BCAR1: variants seen among roughly 807,000 people sequenced by gnomAD.
The protein encoded by BCAR1 is BCAR1 scaffold protein, Cas family member.
A neutral mutation model predicts 67.6 loss-of-function variants in BCAR1; 30 were observed. The ratio of observed to expected loss-of-function variants is 0.44; its 90% confidence interval spans 0.33 to 0.60. BCAR1 has a LOEUF of 0.60. Ranked by LOEUF, BCAR1 falls within the 20% of genes least tolerant of loss-of-function variation. The pLI, the probability that BCAR1 is intolerant of heterozygous loss-of-function variation, is 0.02. For missense variants in BCAR1, 1,313 were observed against 1,222.3 expected (o/e 1.07, Z -1.11); for synonymous variants, 626 against 556.7 (o/e 1.12, Z -1.75).
chr16:75,262,848 T>C (rs1355539675), intron 1 of BCAR1, among the ~76,000 whole-genome samples: 2 of 152,110 alleles, frequency 1.3e-5, no homozygotes, highest in African/African-American at 4.8e-5. Context: ...CCAGGGTGCT[T>C]TGCCTCCCAG....
At chr16:75,266,026 C>G (rs939473147) in intron 1 of BCAR1, 14 of 1,029,932 alleles carry the variant, frequency 1.4e-5, no homozygotes, top group Non-Finnish European at 1.6e-5. Flanking sequence ...CGCGCCGCCC[C>G]CCCCACCGTC....
At chr16:75,258,248 A>G (rs1253844325) in intron 1 of BCAR1, among the ~76,000 whole-genome samples, 1 of 152,184 alleles carries the variant, frequency 6.6e-6, no homozygotes, top group African/African-American at 2.4e-5. Flanking sequence ...AGATGCCCTC[A>G]GCATCCCTCA....
chr16:75,229,493 C>A lies in BCAR1; in HGVS notation c.*18G>T. Reference sequence around the variant, plus strand: ...ACCGCCGCACCCCTCCCCTGCCTCCCTCCTGGGGTCACCACCCTCAGGCGG... The same window carrying A: ...ACCGCCGCACCCCTCCCCTGCCTCCATCCTGGGGTCACCACCCTCAGGCGG... On this transcript the variant is annotated 3_prime_UTR_variant, in exon 7 of 7. Transcript: ENST00000162330. The A allele has an allele frequency of 6.5e-7, 1 of 1,536,170 alleles. No individual in the cohort carries two copies. The highest frequency in any genetic ancestry group is 2.3e-5 in the East Asian group (1 of 42,580).
chr16:75,251,443 G>A (rs2077676445), intron 1 of BCAR1, 28 bp downstream of exon 1: 15 of 1,466,298 alleles, frequency 1.0e-5, no homozygotes, highest in East Asian at 6.1e-5. Context: ...AAGCCCGTAC[G>A]CGGCCCGGCC....
At chr16:75,246,648 C>G (rs1361366774) in intron 1 of BCAR1, 2 of 152,428 alleles carry the variant, frequency 1.3e-5, no homozygotes, top group Non-Finnish European at 2.9e-5. Flanking sequence ...GCTCAGTGAA[C>G]GTCATCCGCA....
chr16:75,254,786 G>T (rs1288652302), upstream of BCAR1, among the ~76,000 whole-genome samples: 1 of 152,178 alleles, frequency 6.6e-6, no homozygotes, highest in African/African-American at 2.4e-5. Context: ...AGGCTGGAAG[G>T]GATGTCTCCA....
At chr16:75,239,195 C>T (rs568670962) in intron 2 of BCAR1, 1 of 849,858 alleles carries the variant, frequency 1.2e-6, no homozygotes, top group East Asian at 1.2e-4. Flanking sequence ...CACAGGCCAC[C>T]CTGCTGCACA....
rs370043787 is a variant in BCAR1, at chr16:75,242,452, G to C, written c.633+18C>G. 2 of 1,435,186 alleles carry C rather than the reference G, an allele frequency of 1.4e-6. No individual in the cohort carries two copies. Among genetic ancestry groups the C allele is most frequent in the African/African-American group, 1.5e-5 (1 of 68,876 alleles). 88.9% of individuals were successfully genotyped at this position (1,435,186 alleles called of 1,614,324 possible). ...GCTATACCTGTGTGGCTGCACAACT[G>C]TGCCAGGACAGCCTTACCTTTGCCG... On this transcript the variant is annotated intron_variant, in intron 2 of 6. Coordinates refer to ENST00000162330, the MANE Select transcript of BCAR1 (RefSeq NM_014567.5).
chr16:75,243,095 G>A lies in BCAR1; in HGVS notation c.13-5C>T. 6.3e-7 allele frequency: 1 copy of A among 1,578,082 alleles called. No individual in the cohort carries two copies. Among genetic ancestry groups the A allele is most frequent in the Non-Finnish European group, 8.6e-7 (1 of 1,158,364 alleles). On this transcript the variant is annotated splice_polypyrimidine_tract_variant and splice_region_variant and intron_variant, in intron 1 of 6. Coordinates refer to ENST00000162330, the MANE Select transcript of BCAR1 (RefSeq NM_014567.5). ...GAGCGCTTTGGCCAGCACGTTCTGGGGAGAGAGGACACAGGTGTGAGAACA... is the reference window on the plus strand; with the variant it reads ...GAGCGCTTTGGCCAGCACGTTCTGGAGAGAGAGGACACAGGTGTGAGAACA...
chr16:75,245,392 G>A (rs768802649), intron 1 of BCAR1, among the ~76,000 whole-genome samples: 34 of 152,198 alleles, frequency 2.2e-4, no homozygotes, highest in Non-Finnish European at 5.0e-4. Context: ...ACCGCCCCGC[G>A]AAGGCCCCTC....
chr16:75,241,725 C>T (rs1484663767), intron 2 of BCAR1, among the ~76,000 whole-genome samples: 1 of 152,192 alleles, frequency 6.6e-6, no homozygotes, highest in Non-Finnish European at 1.5e-5. Flanking sequence ...CCAGCTGACT[C>T]GCTGCCCAGC....
At chr16:75,231,231 T>TGC (rs1555533205) in intron 6 of BCAR1, among the ~76,000 whole-genome samples, 3 of 151,788 alleles carry the variant, frequency 2.0e-5, no homozygotes, top group Non-Finnish European at 4.4e-5. Flanking sequence ...ATTACAGGCC[T>TGC]GCGCCACCAC....
intron 1 of BCAR1, chr16:75,267,849 T>C (rs1303867754): frequency 6.6e-7 from 1 of 1,515,960 alleles, no homozygotes; most frequent in Non-Finnish European, 9.0e-7. Flanking sequence ...GGGCTGCTTA[T>C]TTAGGGCATC....
At position 75,235,821 on chromosome 16, in the gene BCAR1, C is replaced by G; in HGVS notation, c.1078G>C (p.Asp360His). 1 of 1,580,440 alleles carries G rather than the reference C, an allele frequency of 6.3e-7. No individual in the cohort carries two copies. The highest frequency in any genetic ancestry group is 8.6e-7 in the Non-Finnish European group (1 of 1,164,396). Residue 360 changes from aspartate (D) to histidine (H), a missense_variant, in exon 5 of 7, where the codon GAC becomes CAC. Physicochemically the swap from Asp to His is moderately conservative, Grantham distance 81. This residue lies in a region of BCAR1 where 1,272 missense variants were observed against 1,137.5 expected (regional missense o/e 1.12). Transcript: ENST00000162330. ...GCCGGGGGCGGCACGTCATACACGT[C>G]CTCGGCCGGCGGGGAGTCTGGAGGG... ...APPPDSPPAE[D>H]VYDVPPPAPD...
chr16:75,254,474 T>C (rs751166981), upstream of BCAR1, among the ~76,000 whole-genome samples: 13 of 152,190 alleles, frequency 8.5e-5, no homozygotes, highest in Non-Finnish European at 1.9e-4. Context: ...CCTCATGGGA[T>C]AGGCTGGCCT....
chr16:75,229,482 C>A lies in BCAR1; in HGVS notation c.*29G>T, dbSNP rs1398713053. 1 of 1,504,502 alleles carries A rather than the reference C, an allele frequency of 6.6e-7. No individual in the cohort carries two copies. The highest frequency in any genetic ancestry group is 2.0e-5 in the Admixed American group (1 of 49,104). 93.2% of individuals were successfully genotyped at this position (1,504,502 alleles called of 1,614,324 possible). A position where few individuals can be genotyped will look rare whatever the true frequency, so the allele number is the denominator to read the frequency against. ...AGGGAGCTGGGACCGCCGCACCCCT[C>A]CCCTGCCTCCCTCCTGGGGTCACCA... On this transcript the variant is annotated 3_prime_UTR_variant, in exon 7 of 7. Coordinates refer to ENST00000162330, the MANE Select transcript of BCAR1 (RefSeq NM_014567.5).
At chr16:75,238,756 G>C (rs1178440266) in intron 2 of BCAR1, 1 of 985,450 alleles carries the variant, frequency 1.0e-6, no homozygotes, top group East Asian at 1.1e-4. Context: ...ACGCGCCCCA[G>C]ACTTGAGTCT....
chr16:75,252,139 T>C (rs1328200601), upstream of BCAR1: 10 of 1,475,878 alleles, frequency 6.8e-6, no homozygotes, highest in Non-Finnish European at 9.2e-6. Flanking sequence ...GCTCCGACTG[T>C]AGACGGTCCC....
In BCAR1 at chr16:75,251,525, C is replaced by T; in HGVS notation, c.-43G>A. 2 of 1,277,514 alleles carry T rather than the reference C, an allele frequency of 1.6e-6. No individual in the cohort carries two copies. The highest frequency in any genetic ancestry group is 2.0e-6 in the Non-Finnish European group (2 of 1,010,624). The allele number at this position is 1,277,514 out of a possible 1,614,324, so 79.1% of individuals were successfully genotyped here. A position where few individuals can be genotyped will look rare whatever the true frequency, so the allele number is the denominator to read the frequency against. On this transcript the variant is annotated 5_prime_UTR_variant, in exon 1 of 7. In the 5' UTR this introduces an upstream ATG that the reference lacks. Coordinates refer to ENST00000162330, the MANE Select transcript of BCAR1 (RefSeq NM_014567.5). The stretch of plus-strand genomic sequence containing the variant: ...GGGCCCCGGCTCTCGCGGGGGCGCA[C>T]ACCGAGCTGCCCGGGCCGCGTGCCC...
Sources: allele counts gnomAD v4.1 joint callset (sites outside exome capture counted in the v4.1 genomes callset), GRCh38; gene constraint gnomAD v4.1.1; regional missense constraint gnomAD v4.1.1; transcripts MANE v1.5; gene names NCBI Gene and HGNC (gene_info 2026-07-23, HGNC 2026-07-21).